DOCK4: variants seen among roughly 807,000 people sequenced by gnomAD.
DOCK4 encodes dedicator of cytokinesis 4, also known as dedicator of cytokinesis protein 4.
A neutral mutation model predicts 268.1 loss-of-function variants in DOCK4; 97 were observed. The observed-to-expected ratio is 0.36, with a 90% CI of 0.31 to 0.43. DOCK4 has a LOEUF of 0.43. DOCK4 is among the 20% of genes least tolerant of loss of function. The pLI is 1.00. For synonymous variants in DOCK4, 954 were observed against 887.2 expected (o/e 1.08, Z -1.34); for missense variants, 2,145 against 2,455.7 (o/e 0.87, Z 2.67).
intron 11 of DOCK4, among the ~76,000 whole-genome samples, chr7:111,937,340 T>C (rs1318535423): frequency 6.6e-6 from 1 of 152,220 alleles, no homozygotes; most frequent in Non-Finnish European, 1.5e-5. Flanking sequence ...AGTATTACTC[T>C]TGAAACAGCA....
intron 1 of DOCK4, among the ~76,000 whole-genome samples, chr7:112,135,808 G>C (rs995729638): frequency 1.3e-5 from 2 of 150,400 alleles, no homozygotes; most frequent in African/African-American, 4.9e-5. Context: ...AAATTACCCC[G>C]AAGTTTAATG....
chr7:111,801,878 T>A (rs943384646), intron 30 of DOCK4: 3 of 149,904 alleles, frequency 2.0e-5, no homozygotes, highest in African/African-American at 7.4e-5. Flanking sequence ...TTTTTTTGTA[T>A]TTTTAGTAGA....
chr7:111,887,952 G>A (rs1430840270), intron 16 of DOCK4, among the ~76,000 whole-genome samples: 1 of 151,890 alleles, frequency 6.6e-6, no homozygotes, highest in African/African-American at 2.4e-5. Context: ...CCCTGAGACA[G>A]GAAGCCGGAA....
chr7:112,056,524 G>A (rs944102594), intron 1 of DOCK4, among the ~76,000 whole-genome samples: 7 of 152,046 alleles, frequency 4.6e-5, no homozygotes, highest in Admixed American at 1.3e-4. Context: ...GAACCATGAC[G>A]CATTCAGAAA....
intron 8 of DOCK4, among the ~76,000 whole-genome samples, chr7:111,958,782 T>G (rs1796634696): frequency 6.6e-6 from 1 of 152,196 alleles, no homozygotes. Context: ...GTATGGCTCT[T>G]AAAAAGCTAC....
intron 44 of DOCK4, among the ~76,000 whole-genome samples, chr7:111,745,053 C>A (rs1359357158): frequency 6.6e-6 from 1 of 152,166 alleles, no homozygotes; most frequent in South Asian, 2.1e-4. Context: ...TCCTGTTTAA[C>A]ACAGGCTTCC....
intron 1 of DOCK4, among the ~76,000 whole-genome samples, chr7:112,032,475 G>A (rs1803365618): frequency 6.6e-6 from 1 of 152,032 alleles, no homozygotes; most frequent in South Asian, 2.1e-4. Context: ...TGCTCTCCTT[G>A]GCTTCCATTT....
rs568557622 is a variant in DOCK4, at chr7:112,178,813, G to A, written c.37+27289C>T. Reference sequence around the variant, plus strand: ...CATTCCTCTCGTTCATCCTCTATTCGGAACTACCGATGAGCTCAGATACAG... The same window carrying A: ...CATTCCTCTCGTTCATCCTCTATTCAGAACTACCGATGAGCTCAGATACAG... On this transcript the variant is annotated intron_variant, in intron 1 of 52. Coordinates refer to ENST00000428084, the MANE Select transcript of DOCK4 (RefSeq NM_001363540.2). Among the ~76,000 whole-genome samples the A allele has an allele frequency of 1.6e-4, 25 of 152,026 alleles. 1 individual carries two copies. In the South Asian group the frequency reaches 5.0e-3, roughly 30 times the overall value.
intron 49 of DOCK4, among the ~76,000 whole-genome samples, chr7:111,737,500 T>C (rs1225125466): frequency 6.6e-6 from 1 of 152,110 alleles, no homozygotes; most frequent in Non-Finnish European, 1.5e-5. Flanking sequence ...AAAGGAGAAA[T>C]ATTAGTTCAA....
intron 1 of DOCK4, among the ~76,000 whole-genome samples, chr7:112,203,132 A>G (rs1324663118): frequency 6.6e-6 from 1 of 152,194 alleles, no homozygotes; most frequent in East Asian, 1.9e-4. Context: ...TGGGACCCAG[A>G]AAGGCTAAGT....
intron 1 of DOCK4, among the ~76,000 whole-genome samples, chr7:112,091,414 T>C (rs1809617782): frequency 6.6e-6 from 1 of 152,160 alleles, no homozygotes; most frequent in African/African-American, 2.4e-5. Flanking sequence ...CTGCCAGCGT[T>C]GCCCTACCTG....
intron 8 of DOCK4, chr7:111,971,521 A>T (rs565480479): frequency 5.2e-6 from 1 of 191,792 alleles, no homozygotes. Flanking sequence ...GAAGACGATT[A>T]GTTCAATGGG....
At chr7:112,171,895 G>A (rs78241103) in intron 1 of DOCK4, among the ~76,000 whole-genome samples, 15,276 of 152,174 alleles carry the variant, frequency 0.1, 949 homozygotes, top group South Asian at 0.14. Context: ...TTCCTCTGAG[G>A]CTTCTTGCCT....
intron 1 of DOCK4, among the ~76,000 whole-genome samples, chr7:112,080,460 TG>T (rs1321460116): frequency 7.2e-5 from 11 of 152,232 alleles, no homozygotes; most frequent in Admixed American, 6.5e-4. Context: ...GATGATTTCT[TG>T]CATTGATAGA....
chr7:112,050,604 T>C (rs994441115), intron 1 of DOCK4, among the ~76,000 whole-genome samples: 1 of 152,116 alleles, frequency 6.6e-6, no homozygotes, highest in African/African-American at 2.4e-5. Flanking sequence ...AATACGTTTT[T>C]AGACAAAATT....
chr7:112,196,950 C>G (rs1172355067), intron 1 of DOCK4, among the ~76,000 whole-genome samples: 1 of 152,038 alleles, frequency 6.6e-6, no homozygotes, highest in African/African-American at 2.4e-5. Flanking sequence ...ATTCTCTTAG[C>G]AAATTTCAAG....
chr7:111,805,129 G>A (rs925289592), intron 30 of DOCK4, among the ~76,000 whole-genome samples: 1 of 152,074 alleles, frequency 6.6e-6, no homozygotes, highest in African/African-American at 2.4e-5. Flanking sequence ...ACTATTTGTT[G>A]TCTTTGGACA....
At chr7:111,874,506 G>A (rs1259195379) in intron 17 of DOCK4, among the ~76,000 whole-genome samples, 1 of 152,210 alleles carries the variant, frequency 6.6e-6, no homozygotes, top group Non-Finnish European at 1.5e-5. Context: ...GAAAAGCCCA[G>A]TAGTTATGTC....
rs1200221326 is a variant in DOCK4 at position 111,822,455 on chromosome 7, T to C, written c.2837A>G (p.Asp946Gly). 6.2e-7 allele frequency: 1 copy of C among 1,611,142 alleles called. No individual in the cohort carries two copies. Among genetic ancestry groups the C allele is most frequent in the Non-Finnish European group, 8.5e-7 (1 of 1,178,606 alleles). Reference protein sequence around the residue: ...DSFNTKEELRDFLLQIFTVFR... With the variant: ...DSFNTKEELRGFLLQIFTVFR... The stretch of plus-strand genomic sequence containing the variant: ...CACAGTAAATATCTGCAGCAGGAAA[T>C]CCTTGGATAAGGAGAAAATAGATCA... Residue 946 changes from aspartate (D) to glycine (G), a missense_variant and splice_region_variant, in exon 27 of 53, where the codon GAT becomes GGT. Asp to Gly is a moderately conservative substitution (Grantham distance 94). This residue lies in a region of DOCK4 where 1,598 missense variants were observed against 1,986.7 expected (regional missense o/e 0.80). Transcript: ENST00000428084.
Sources: allele counts gnomAD v4.1 joint callset (sites outside exome capture counted in the v4.1 genomes callset), GRCh38; gene constraint gnomAD v4.1.1; regional missense constraint gnomAD v4.1.1; transcripts MANE v1.5; gene names NCBI Gene and HGNC (gene_info 2026-07-23, HGNC 2026-07-21).